The following TMEM245 variants were observed in gnomAD, a reference collection of about 807,000 sequenced individuals.
TMEM245 encodes the protein transmembrane protein 245, also known as protein CG-2.
In TMEM245, 69 loss-of-function variants were observed where a neutral mutation model predicts 101.2. That is an observed-to-expected ratio of 0.68 (90% CI 0.56 to 0.83). The LOEUF is 0.83. TMEM245 is among the 40% of genes least tolerant of loss of function. TMEM245 has a pLI of 0.00. For synonymous variants in TMEM245, 537 were observed against 449.8 expected (o/e 1.19, Z -2.45); for missense variants, 1,075 against 1,092.8 (o/e 0.98, Z 0.23).
At chr9:109,087,972 T>C (rs952870477) in intron 5 of TMEM245, among the ~76,000 whole-genome samples, 1 of 152,144 alleles carries the variant, frequency 6.6e-6, no homozygotes, top group Non-Finnish European at 1.5e-5. Context: ...GCAACTTCAG[T>C]GGGGACCACT....
intron 9 of TMEM245, among the ~76,000 whole-genome samples, chr9:109,071,409 G>C (rs1432781364): frequency 1.3e-5 from 2 of 151,788 alleles, no homozygotes; most frequent in Admixed American, 1.3e-4. Context: ...AGGTGTTCAA[G>C]ACCAGCCTAG....
chr9:109,057,858 T>C (rs900323827), intron 11 of TMEM245, among the ~76,000 whole-genome samples: 2 of 151,586 alleles, frequency 1.3e-5, no homozygotes, highest in Non-Finnish European at 2.9e-5. Flanking sequence ...AGTGCTTCCC[T>C]CCTAAATACA....
intron 3 of TMEM245, among the ~76,000 whole-genome samples, chr9:109,093,982 T>C (rs1588070151): frequency 6.6e-6 from 1 of 152,232 alleles, no homozygotes; most frequent in East Asian, 1.9e-4. Context: ...CTAGGTCTCA[T>C]GTTAGTACGA....
At chr9:109,072,946 T>C (rs758310898) in intron 9 of TMEM245, among the ~76,000 whole-genome samples, 4 of 152,220 alleles carry the variant, frequency 2.6e-5, no homozygotes, top group Admixed American at 6.5e-5. Context: ...GAAGCAGTGG[T>C]TATAAATGAC....
intron 9 of TMEM245, among the ~76,000 whole-genome samples, chr9:109,065,980 A>G (rs572880136): frequency 1.3e-5 from 2 of 152,362 alleles, no homozygotes; most frequent in African/African-American, 2.4e-5. Context: ...TGACAGCCAC[A>G]AAGTCATGGT....
chr9:109,039,163 G>A (rs1828229656), intron 14 of TMEM245: 1 of 152,282 alleles, frequency 6.6e-6, no homozygotes, highest in African/African-American at 2.4e-5. Context: ...TAGTGATTTA[G>A]TCATTTAGTA....
In TMEM245 at chr9:109,036,791, T is replaced by A. The variant is rs367954132; in HGVS notation, c.2225-411A>T. ...GCATAATAAAAATAAACAGAAAAAA[T>A]CCTGAGTTGAAGGACCCTGCTTCAA... is the stretch of plus-strand genomic sequence containing the variant. On this transcript the variant is annotated intron_variant, in intron 15 of 17. Transcript: ENST00000374586. Among the ~76,000 whole-genome samples, 5 of 152,108 alleles carry A rather than the reference T, an allele frequency of 3.3e-5. No individual in the cohort carries two copies. In the East Asian group the frequency reaches 7.7e-4, roughly 24 times the overall value.
At position 109,018,900 on chromosome 9, in the gene TMEM245, ATTTTTT is replaced by A. The variant is rs34086900; in HGVS notation, c.*1554_*1559del. The A allele has an allele frequency of 4.1e-4, 33 of 79,904 alleles. No homozygotes were observed. The highest frequency in any genetic ancestry group is 1.0e-3 in the African/African-American group (18 of 17,956). The allele number at this position is 79,904 out of a possible 1,614,324, so 4.9% of individuals were successfully genotyped here. Reference sequence around the variant, plus strand: ...ATAGCCACACCACCGTGCCCAGCTAATTTTTTTTTTTTTTTTTTTTTTTTTGTAGAG... The same window carrying A: ...ATAGCCACACCACCGTGCCCAGCTAATTTTTTTTTTTTTTTTTTTGTAGAG... On this transcript the variant is annotated 3_prime_UTR_variant, in exon 18 of 18. Coordinates refer to ENST00000374586, the MANE Select transcript of TMEM245 (RefSeq NM_032012.4).
chr9:109,086,732 C>G (rs188923442), intron 6 of TMEM245, among the ~76,000 whole-genome samples: 1 of 152,196 alleles, frequency 6.6e-6, no homozygotes. Flanking sequence ...TTATCAACTG[C>G]TGTCTTTCCC....
intron 7 of TMEM245, among the ~76,000 whole-genome samples, chr9:109,085,324 G>C (rs763480261): frequency 2.5e-4 from 38 of 152,102 alleles, no homozygotes; most frequent in Non-Finnish European, 8.8e-5. Context: ...TATATGTCGA[G>C]GTACAACATT....
intron 17 of TMEM245, among the ~76,000 whole-genome samples, chr9:109,032,870 C>T (rs1014217535): frequency 7.2e-6 from 1 of 139,696 alleles, no homozygotes; most frequent in Non-Finnish European, 1.5e-5. Context: ...ACAATCTGGG[C>T]TCACTGCAGC....
intron 9 of TMEM245, among the ~76,000 whole-genome samples, chr9:109,072,197 C>G (rs1007619369): frequency 6.6e-6 from 1 of 152,204 alleles, no homozygotes; most frequent in Non-Finnish European, 1.5e-5. Context: ...TGTTCCCATA[C>G]TCAGAGCAAG....
intron 4 of TMEM245, 43 bp from the exon 5 acceptor site, chr9:109,091,198 A>G (rs1829997331): frequency 1.3e-6 from 2 of 1,536,806 alleles, no homozygotes; most frequent in African/African-American, 1.4e-5. Flanking sequence ...ATTAGTCCAC[A>G]TGAGGAAATG....
Position 109,020,384 on chromosome 9 carries a change from G to A in TMEM245, c.*76C>T, listed in dbSNP as rs1333407260. 1.4e-6 allele frequency: 2 copies of A among 1,430,414 alleles called. No homozygotes were observed. The highest frequency in any genetic ancestry group is 1.7e-5 in the Admixed American group (1 of 59,760). 88.6% of individuals were successfully genotyped at this position (1,430,414 alleles called of 1,614,324 possible). Reference sequence around the variant, plus strand: ...TTTGCTTGCTAGGCACAGCTGGAAGGGCAGAGGGCCACAGCTGAGCTGAAC... The same window carrying A: ...TTTGCTTGCTAGGCACAGCTGGAAGAGCAGAGGGCCACAGCTGAGCTGAAC... On this transcript the variant is annotated 3_prime_UTR_variant, in exon 18 of 18. Transcript: ENST00000374586.
At chr9:109,068,071 C>T (rs759357245) in intron 9 of TMEM245, among the ~76,000 whole-genome samples, 19 of 152,096 alleles carry the variant, frequency 1.2e-4, no homozygotes, top group Non-Finnish European at 2.4e-4. Context: ...TAAGCAACTT[C>T]AAAAAGCCTT....
chr9:109,101,358 T>C (rs1291666261), intron 3 of TMEM245, among the ~76,000 whole-genome samples: 1 of 152,160 alleles, frequency 6.6e-6, no homozygotes, highest in Non-Finnish European at 1.5e-5. Context: ...GCACACACTG[T>C]TGTGGCAGTA....
chr9:109,057,247 G>A lies in TMEM245; in HGVS notation c.1798C>T (p.Leu600=), dbSNP rs1223483563. 5 of 1,613,986 alleles carry A rather than the reference G, an allele frequency of 3.1e-6. No homozygotes were observed. Among genetic ancestry groups the A allele is most frequent in the African/African-American group, 1.3e-5 (1 of 74,926 alleles). Residue 600 remains leucine (L), a synonymous_variant, in exon 12 of 18, where the codon CTG becomes TTG. Transcript: ENST00000374586. ...AAGGAAACAATATCCTGCCAGTCCA[G>A]AATGTCTCCCAGCCAGCTATTCTGA... ...SRQNSWLGDI[L]DWQDIVSFVH...
intron 17 of TMEM245, among the ~76,000 whole-genome samples, chr9:109,030,370 C>CACAT (rs2132299079): frequency 6.6e-6 from 1 of 152,260 alleles, no homozygotes; most frequent in East Asian, 1.9e-4. Flanking sequence ...TCTGCCACGC[C>CACAT]ACATAAGCAT....
In TMEM245 at chr9:109,018,091, T is replaced by G. The variant is rs1286715247; in HGVS notation, c.*2369A>C. 1 of 152,228 alleles carries G rather than the reference T, an allele frequency of 6.6e-6. No individual in the cohort carries two copies. The highest frequency in any genetic ancestry group is 1.9e-4 in the East Asian group (1 of 5,200). 9.4% of individuals were successfully genotyped at this position (152,228 alleles called of 1,614,324 possible). A position where few individuals can be genotyped will look rare whatever the true frequency, so the allele number is the denominator to read the frequency against. On this transcript the variant is annotated 3_prime_UTR_variant, in exon 18 of 18. Transcript: ENST00000374586. ...TAAAGACCTCTAAGAACCTGATATT[T>G]ATGCTAATAATTACCCAGCAAGAAA...
Sources: gnomAD v4.1 joint callset for allele counts (sites outside exome capture counted in the v4.1 genomes callset) on GRCh38, gnomAD v4.1.1 for gene constraint, MANE v1.5 for transcripts, NCBI Gene and HGNC (gene_info 2026-07-23, HGNC 2026-07-21) for gene names.